The following CDH8 variants were observed in gnomAD, a reference collection of about 807,000 sequenced individuals.
CDH8 encodes cadherin 8.
In CDH8, 17 loss-of-function variants were observed where a neutral mutation model predicts 68.1. The observed-to-expected ratio is 0.25, with a 90% CI of 0.17 to 0.37. The LOEUF (loss-of-function observed/expected upper bound fraction) is 0.37. Ranked by LOEUF, CDH8 falls within the 10% of genes least tolerant of loss-of-function variation. CDH8 has a pLI of 1.00. For missense variants in CDH8, 763 were observed against 999.3 expected (o/e 0.76, Z 3.19); for synonymous variants, 372 against 365.1 (o/e 1.02, Z -0.21).
At chr16:61,736,058 C>A (rs919893786) in intron 8 of CDH8, among the ~76,000 whole-genome samples, 1 of 144,452 alleles carries the variant, frequency 6.9e-6, no homozygotes, top group African/African-American at 2.7e-5. Context: ...GATGACAGAG[C>A]AAGACTCCAT....
chr16:61,690,410 A>G (rs1220408766), intron 10 of CDH8, among the ~76,000 whole-genome samples: 1 of 152,048 alleles, frequency 6.6e-6, no homozygotes, highest in Non-Finnish European at 1.5e-5. Context: ...TGTTGATTCT[A>G]TAATGGTCTT....
At chr16:61,999,958 C>A (rs1023259093) in intron 2 of CDH8, among the ~76,000 whole-genome samples, 1 of 151,898 alleles carries the variant, frequency 6.6e-6, no homozygotes, top group African/African-American at 2.4e-5. Context: ...CTCTCCCTCC[C>A]CTTGCCCCCC....
chr16:61,679,903 G>A (rs1963981433), intron 10 of CDH8, among the ~76,000 whole-genome samples: 1 of 151,884 alleles, frequency 6.6e-6, no homozygotes, highest in Non-Finnish European at 1.5e-5. Context: ...CAACCGAAAA[G>A]AATTAGAAAG....
At chr16:61,698,255 A>G (rs181212620) in intron 10 of CDH8, among the ~76,000 whole-genome samples, 12 of 152,322 alleles carry the variant, frequency 7.9e-5, no homozygotes, top group African/African-American at 2.9e-4. Context: ...CCCTGGATGT[A>G]TCCATTTTAA....
intron 2 of CDH8, among the ~76,000 whole-genome samples, chr16:61,993,824 T>A (rs1049074120): frequency 6.6e-6 from 1 of 152,162 alleles, no homozygotes; most frequent in Non-Finnish European, 1.5e-5. Flanking sequence ...ATAAAAAAAA[T>A]TCTGTGAACA....
In CDH8 at chr16:61,696,737, T is replaced by C. The variant is rs986509358; in HGVS notation, c.1654+17104A>G. Among the ~76,000 whole-genome samples the C allele has an allele frequency of 2.0e-5, 3 of 152,276 alleles. No homozygotes were observed. In the East Asian group the frequency reaches 5.8e-4, roughly 29 times the overall value. ...CTAGGTAAAGAAATATGGTAATATA[T>C]ACCATGAAACACTACACATCCATTA... On this transcript the variant is annotated intron_variant, in intron 10 of 11. Coordinates refer to ENST00000577390, the MANE Select transcript of CDH8 (RefSeq NM_001796.5).
Position 62,025,336 on chromosome 16 carries a change from C to G in CDH8, c.-199-3734G>C, listed in dbSNP as rs147274486. Among the ~76,000 whole-genome samples, 737 of 151,832 alleles carry G rather than the reference C, an allele frequency of 4.9e-3. 3 individuals carry two copies. Among genetic ancestry groups the G allele is most frequent in the South Asian group, 0.013 (63 of 4,808 alleles). On this transcript the variant is annotated intron_variant, in intron 1 of 11. Coordinates refer to ENST00000577390, the MANE Select transcript of CDH8 (RefSeq NM_001796.5). Reference sequence around the variant, plus strand: ...TAATAATGATGGTCTCTACAGAGTACATATTAAGTATATAGCCCTTTCCTC... The same window carrying G: ...TAATAATGATGGTCTCTACAGAGTAGATATTAAGTATATAGCCCTTTCCTC...
At position 61,812,346 on chromosome 16, in the gene CDH8, G is replaced by A. The variant is rs77731280; in HGVS notation, c.1277+5133C>T. Among the ~76,000 whole-genome samples the A allele has an allele frequency of 9.0e-3, 1,363 of 152,230 alleles. 24 individuals carry two copies. The highest frequency in any genetic ancestry group is 0.03 in the African/African-American group (1,262 of 41,520). ...AATGCAATGCTTCTGTGTTGAGTGG[G>A]TATTTATATTCAAGAGAGGAATTAG... On this transcript the variant is annotated intron_variant, in intron 7 of 11. Coordinates refer to ENST00000577390, the MANE Select transcript of CDH8 (RefSeq NM_001796.5).
At chr16:61,747,965 C>T (rs1451524555) in intron 8 of CDH8, among the ~76,000 whole-genome samples, 1 of 151,988 alleles carries the variant, frequency 6.6e-6, no homozygotes, top group African/African-American at 2.4e-5. Context: ...TTGTCACACG[C>T]CTCTTAGAAC....
At chr16:61,990,172 A>C (rs1965691165) in intron 2 of CDH8, among the ~76,000 whole-genome samples, 1 of 152,166 alleles carries the variant, frequency 6.6e-6, no homozygotes, top group Admixed American at 6.5e-5. Context: ...GTAATCATTA[A>C]GTTCTTACAG....
chr16:61,897,074 T>TATATA (rs199664665), intron 3 of CDH8, among the ~76,000 whole-genome samples: 1 of 148,268 alleles, frequency 6.7e-6, no homozygotes, highest in Non-Finnish European at 1.5e-5. Flanking sequence ...CTTTATTATA[T>TATATA]ATATAATATA....
At chr16:61,945,963 T>A (rs1383404779) in intron 2 of CDH8, among the ~76,000 whole-genome samples, 1 of 152,202 alleles carries the variant, frequency 6.6e-6, no homozygotes, top group Non-Finnish European at 1.5e-5. Flanking sequence ...AATCAAAGGA[T>A]GCTTTGTGAT....
intron 2 of CDH8, among the ~76,000 whole-genome samples, chr16:61,951,288 G>A (rs762271788): frequency 1.1e-4 from 17 of 151,954 alleles, no homozygotes; most frequent in Non-Finnish European, 1.8e-4. Context: ...GAGGCAGGCG[G>A]ATCACGAGGT....
At chr16:62,024,808 G>A (rs562357368) in intron 1 of CDH8, among the ~76,000 whole-genome samples, 1 of 152,314 alleles carries the variant, frequency 6.6e-6, no homozygotes, top group South Asian at 2.1e-4. Context: ...GCACTTCTAA[G>A]TAAAGAGATA....
chr16:61,773,695 T>C (rs981586247), intron 8 of CDH8, among the ~76,000 whole-genome samples: 2 of 152,088 alleles, frequency 1.3e-5, no homozygotes, highest in African/African-American at 4.8e-5. Flanking sequence ...AAAGATGCTG[T>C]TCAAAGGATA....
At chr16:61,834,417 T>A (rs1447740315) in intron 4 of CDH8, among the ~76,000 whole-genome samples, 1 of 151,982 alleles carries the variant, frequency 6.6e-6, no homozygotes, top group African/African-American at 2.4e-5. Flanking sequence ...CTACAATTAA[T>A]GCTAGTGAGG....
intron 8 of CDH8, among the ~76,000 whole-genome samples, chr16:61,779,088 T>C (rs1373025363): frequency 2.0e-5 from 3 of 152,196 alleles, no homozygotes; most frequent in African/African-American, 4.8e-5. Flanking sequence ...GCTTCCTGCT[T>C]TGAAATACTT....
At chr16:61,728,492 G>A (rs925345637) in intron 8 of CDH8, among the ~76,000 whole-genome samples, 1 of 150,928 alleles carries the variant, frequency 6.6e-6, no homozygotes, top group South Asian at 2.1e-4. Flanking sequence ...GGCCTGAAAT[G>A]TCTCACCTCA....
intron 4 of CDH8, among the ~76,000 whole-genome samples, chr16:61,849,736 A>G (rs575067560): frequency 2.0e-5 from 3 of 152,204 alleles, no homozygotes; most frequent in African/African-American, 7.2e-5. Context: ...TTCAACTCCA[A>G]ATCCAGCAGT....
Sources: gnomAD v4.1 joint callset for allele counts (sites outside exome capture counted in the v4.1 genomes callset) on GRCh38, gnomAD v4.1.1 for gene constraint, MANE v1.5 for transcripts, NCBI Gene and HGNC (gene_info 2026-07-23, HGNC 2026-07-21) for gene names.